Variants in SMYD3 observed in about 807,000 individuals in gnomAD.
SMYD3 encodes histone-lysine N-methyltransferase SMYD3.
Under a neutral mutation model 57.7 loss-of-function variants are expected in SMYD3, and 36 were observed. That is an observed-to-expected ratio of 0.62 (90% CI 0.48 to 0.82). The LOEUF (loss-of-function observed/expected upper bound fraction) is 0.82, where lower values mean the gene tolerates loss of function less well. Among genes scored for constraint, SMYD3 ranks in the 40% least tolerant of loss-of-function variants. SMYD3 has a pLI of 0.00. For synonymous variants in SMYD3, 211 were observed against 195.0 expected, an observed-to-expected ratio of 1.08 and a Z score of -0.68; for missense variants, 515 against 538.8, an observed-to-expected ratio of 0.96 and a Z score of 0.44.
intron 5 of SMYD3, among the ~76,000 whole-genome samples, chr1:245,946,724 T>C (rs1025444925): frequency 5.3e-5 from 8 of 152,086 alleles, no homozygotes; most frequent in African/African-American, 1.7e-4. Flanking sequence ...ATCAGAAGGA[T>C]AGATTTGTTC....
chr1:246,353,732 C>A (rs1184937298), intron 2 of SMYD3, among the ~76,000 whole-genome samples: 1 of 152,096 alleles, frequency 6.6e-6, no homozygotes, highest in Non-Finnish European at 1.5e-5. Flanking sequence ...TCCTCATTGT[C>A]CTTATTAATA....
chr1:246,209,871 G>A (rs2063060520), intron 5 of SMYD3, among the ~76,000 whole-genome samples: 1 of 152,150 alleles, frequency 6.6e-6, no homozygotes, highest in Admixed American at 6.5e-5. Flanking sequence ...TGGAAACACA[G>A]GAGAGGCAAC....
At chr1:246,475,728 C>T (rs2068022379) in intron 1 of SMYD3, among the ~76,000 whole-genome samples, 2 of 152,014 alleles carry the variant, frequency 1.3e-5, no homozygotes, top group South Asian at 4.1e-4. Context: ...AATCCTCCCG[C>T]CTCAGCCTCC....
chr1:246,020,006 C>T (rs1043281756), intron 5 of SMYD3, among the ~76,000 whole-genome samples: 10 of 152,108 alleles, frequency 6.6e-5, no homozygotes, highest in Non-Finnish European at 1.2e-4. Flanking sequence ...TTGTTACTTG[C>T]CTGCCAGAAG....
chr1:246,175,369 C>T (rs979109410), intron 5 of SMYD3, among the ~76,000 whole-genome samples: 4 of 152,090 alleles, frequency 2.6e-5, no homozygotes, highest in Non-Finnish European at 5.9e-5. Flanking sequence ...GTTTACAATT[C>T]AGGTAAAATA....
chr1:246,355,766 C>T lies in SMYD3; in HGVS notation c.165-672G>A, dbSNP rs2065902438. Among the ~76,000 whole-genome samples, 1 of 152,076 alleles carries T rather than the reference C, an allele frequency of 6.6e-6. No individual in the cohort carries two copies. Among genetic ancestry groups the T allele is most frequent in the South Asian group, 2.1e-4 (1 of 4,818 alleles). ...ACTCCATTAGACTGAAAACCACATC[C>T]CCATCCCAACAGCAGCCGCAGCAAT... On this transcript the variant is annotated intron_variant, in intron 1 of 11. Transcript: ENST00000490107. This position sits in a 1 kb window ranked among gnomAD's most constrained non-coding sequence, Gnocchi z 5.0.
chr1:246,482,141 G>C (rs562673805), intron 1 of SMYD3, among the ~76,000 whole-genome samples: 3 of 152,026 alleles, frequency 2.0e-5, no homozygotes, highest in Non-Finnish European at 2.9e-5. Flanking sequence ...CTGGGCAACA[G>C]AGCGAGACCC....
intron 8 of SMYD3, among the ~76,000 whole-genome samples, chr1:245,909,447 A>G (rs2054811609): frequency 6.6e-6 from 1 of 152,108 alleles, no homozygotes; most frequent in South Asian, 2.1e-4. Context: ...CTTCCAAAGT[A>G]TATATATAAA....
intron 5 of SMYD3, among the ~76,000 whole-genome samples, chr1:246,233,962 G>A (rs1340283752): frequency 2.5e-4 from 31 of 123,668 alleles, no homozygotes; most frequent in African/African-American, 5.8e-4. Context: ...ATACCACACA[G>A]AGGAGAAGCA....
At chr1:245,920,876 C>T (rs2055874547) in intron 7 of SMYD3, among the ~76,000 whole-genome samples, 1 of 152,172 alleles carries the variant, frequency 6.6e-6, no homozygotes, top group South Asian at 2.1e-4. Context: ...TGGACGTCAG[C>T]TTTCGGAAAG....
At chr1:246,402,943 C>A (rs2066796347) in intron 1 of SMYD3, among the ~76,000 whole-genome samples, 1 of 152,166 alleles carries the variant, frequency 6.6e-6, no homozygotes, top group African/African-American at 2.4e-5. Context: ...CTATTATGCA[C>A]TGGTGGTAGT....
At chr1:246,348,077 T>TATATATATATATATGTATAC in intron 2 of SMYD3, among the ~76,000 whole-genome samples, 1 of 86,488 alleles carries the variant, frequency 1.2e-5, no homozygotes, top group African/African-American at 4.0e-5. Context: ...TATATATATA[T>TATATATATATATATGTATAC]ACACACACAC....
At chr1:246,221,699 C>T (rs1185141477) in intron 5 of SMYD3, among the ~76,000 whole-genome samples, 1 of 152,230 alleles carries the variant, frequency 6.6e-6, no homozygotes, top group East Asian at 1.9e-4. Flanking sequence ...ATAGCAGCAG[C>T]TGGTGTGTCT....
At chr1:245,776,537 C>T (rs1181597400) in intron 10 of SMYD3, among the ~76,000 whole-genome samples, 1 of 152,108 alleles carries the variant, frequency 6.6e-6, no homozygotes, top group Non-Finnish European at 1.5e-5. Flanking sequence ...TTTAACAACC[C>T]TATACTCATG....
At chr1:245,768,341 C>T (rs1360426931) in intron 10 of SMYD3, among the ~76,000 whole-genome samples, 2 of 152,182 alleles carry the variant, frequency 1.3e-5, no homozygotes, top group African/African-American at 4.8e-5. Context: ...GCACCAAGAT[C>T]TTACTGATAT....
chr1:246,148,414 G>A (rs2148145073), intron 5 of SMYD3, among the ~76,000 whole-genome samples: 1 of 152,252 alleles, frequency 6.6e-6, no homozygotes, highest in Middle Eastern at 3.4e-3. Flanking sequence ...CCTACAGAGA[G>A]GAACTACCCA....
intron 5 of SMYD3, among the ~76,000 whole-genome samples, chr1:246,030,792 T>G (rs992728247): frequency 6.6e-6 from 1 of 152,232 alleles, no homozygotes; most frequent in Non-Finnish European, 1.5e-5. Context: ...GTATCATTGA[T>G]GTCAGAGCCC....
At chr1:245,897,782 C>A (rs1019764584) in intron 8 of SMYD3, among the ~76,000 whole-genome samples, 8 of 151,956 alleles carry the variant, frequency 5.3e-5, no homozygotes, top group African/African-American at 1.9e-4. Context: ...CGCCTGTAAT[C>A]CCAGCTATTC....
At chr1:245,954,945 A>G (rs1278161889) in intron 5 of SMYD3, among the ~76,000 whole-genome samples, 1 of 152,242 alleles carries the variant, frequency 6.6e-6, no homozygotes, top group East Asian at 1.9e-4. Flanking sequence ...AGATCTACCC[A>G]GTAGTTGCAG....
Sources: gnomAD v4.1 joint callset for allele counts (sites outside exome capture counted in the v4.1 genomes callset) on GRCh38, gnomAD v4.1.1 for gene constraint, Gnocchi (gnomAD v3.1) non-coding constraint, MANE v1.5 for transcripts, NCBI Gene and HGNC (gene_info 2026-07-23, HGNC 2026-07-21) for gene names.